The following VIPAS39 variants were observed in gnomAD, a reference collection of about 807,000 sequenced individuals.
VIPAS39 encodes the protein VPS33B interacting protein, apical-basolateral polarity regulator, spe-39 homolog.
In VIPAS39, 63 loss-of-function variants were observed where a neutral mutation model predicts 84.7. The ratio of observed to expected loss-of-function variants is 0.74; its 90% CI spans 0.61 to 0.92. The LOEUF is 0.92. Among genes scored for constraint, VIPAS39 ranks in the 40% least tolerant of loss-of-function variants. The pLI, the probability that VIPAS39 is intolerant of heterozygous loss-of-function variation, is 0.00. For synonymous variants in VIPAS39, 192 were observed against 216.5 expected (o/e 0.89, Z 0.99); for missense variants, 499 against 604.5 (o/e 0.83, Z 1.83).
At chr14:77,428,284 C>A (rs1342697791) in intron 19 of VIPAS39, 86 bp downstream of exon 19, 1 of 1,267,990 alleles carries the variant, frequency 7.9e-7, no homozygotes, top group Non-Finnish European at 1.1e-6. Context: ...TGCAATCCTT[C>A]CAGACCTTGG....
rs35983631 is a variant in VIPAS39 at position 77,444,041 on chromosome 14, C to CAAA, written c.597+205_597+207dup. Reference sequence around the variant, plus strand: ...GGGCAACAGAGCAAGACCCTGTCTCCAAAAAAAAAAAAAAACAGGGTTCCA... The same window carrying CAAA: ...GGGCAACAGAGCAAGACCCTGTCTCCAAAAAAAAAAAAAAAAAACAGGGTTCCA... On this transcript the variant is annotated intron_variant, in intron 8 of 19. Coordinates refer to ENST00000557658, the MANE Select transcript of VIPAS39 (RefSeq NM_001193315.2). Among the ~76,000 whole-genome samples the CAAA allele has an allele frequency of 0.26, 33,097 of 127,344 alleles. 4,191 individuals are homozygous for CAAA. Among genetic ancestry groups the CAAA allele is most frequent in the African/African-American group, 0.32 (11,081 of 34,996 alleles). The allele number at this position is 127,344 out of a possible 152,430, so 83.5% of individuals were successfully genotyped here.
chr14:77,453,504 C>T, intron 2 of VIPAS39, 103 bp from the exon 3 acceptor site: 4 of 1,085,628 alleles, frequency 3.7e-6, no homozygotes, highest in Non-Finnish European at 5.7e-6. Context: ...AGGTGGCCAA[C>T]ACTCGCCCTG....
intron 1 of VIPAS39, among the ~76,000 whole-genome samples, chr14:77,455,713 T>A (rs2078950261): frequency 6.6e-6 from 1 of 152,202 alleles, no homozygotes; most frequent in Admixed American, 6.5e-5. Context: ...CTGTTGAGGC[T>A]TTTGATAGCC....
At chr14:77,432,643 T>C (rs1466560433) in intron 16 of VIPAS39, among the ~76,000 whole-genome samples, 1 of 152,154 alleles carries the variant, frequency 6.6e-6, no homozygotes, top group African/African-American at 2.4e-5. Context: ...TGGAGGACAT[T>C]ATGCTAAGTG....
chr14:77,451,349 A>G lies in VIPAS39; in HGVS notation c.197-16T>C. 1 of 1,614,126 alleles carries G rather than the reference A, an allele frequency of 6.2e-7. No individual in the cohort carries two copies. The highest frequency in any genetic ancestry group is 8.5e-7 in the Non-Finnish European group (1 of 1,179,974). On this transcript the variant is annotated splice_polypyrimidine_tract_variant and intron_variant, in intron 3 of 19. Coordinates refer to ENST00000557658, the MANE Select transcript of VIPAS39 (RefSeq NM_001193315.2). ...CATGAGATACCTGTGAGATAGTAAG[A>G]ACTACATCAGCAATTCTCATCCACA...
At chr14:77,431,095 A>G (rs1393374362) in intron 16 of VIPAS39, among the ~76,000 whole-genome samples, 1 of 152,224 alleles carries the variant, frequency 6.6e-6, no homozygotes, top group Admixed American at 6.5e-5. Flanking sequence ...ATAGAAGAAA[A>G]CATGGGAAAA....
rs1182138464 is a variant in VIPAS39, at chr14:77,451,384, T to C, written c.197-51A>G. 6 of 1,613,662 alleles carry C rather than the reference T, an allele frequency of 3.7e-6. No individual in the cohort carries two copies. The South Asian group carries it at 5.5e-5, about 15-fold the overall frequency. On this transcript the variant is annotated intron_variant, in intron 3 of 19. Coordinates refer to ENST00000557658, the MANE Select transcript of VIPAS39 (RefSeq NM_001193315.2). ...GCAATTCTCATCCACAATAAAGCCT[T>C]GACATCCAACATTCAATAAACTCTA...
At chr14:77,443,264 C>A (rs1418635193) in intron 8 of VIPAS39, 112 bp from the exon 9 acceptor site, 3 of 1,290,168 alleles carry the variant, frequency 2.3e-6, no homozygotes, top group Non-Finnish European at 3.3e-6. Flanking sequence ...GTATAGCCAA[C>A]AGCTCTGTAT....
chr14:77,432,442 T>A (rs1021343362), intron 16 of VIPAS39, among the ~76,000 whole-genome samples: 1 of 150,154 alleles, frequency 6.7e-6, no homozygotes, highest in African/African-American at 2.5e-5. Flanking sequence ...GGAAATGCAA[T>A]CAGCATCTCA....
chr14:77,429,839 TACGATCAGACC>T, intron 16 of VIPAS39, 72 bp from the exon 17 acceptor site: 1 of 1,351,096 alleles, frequency 7.4e-7, no homozygotes, highest in Non-Finnish European at 1.1e-6. Flanking sequence ...GTCTATGTTT[TACGATCAGACC>T]AGAATAATGT....
At position 77,434,293 on chromosome 14, in the gene VIPAS39, C is replaced by T; in HGVS notation, c.1058G>A (p.Ser353Asn). ...TGTCTTCTTCAGGTTGACGGGACTGCTGAATGTCCCCTAGGATGAAAGTGA... is the reference window on the plus strand; with the variant it reads ...TGTCTTCTTCAGGTTGACGGGACTGTTGAATGTCCCCTAGGATGAAAGTGA... ...YHYTEAEGTFSSPVNLKKTFK... is the reference protein window; with the variant it reads ...YHYTEAEGTFNSPVNLKKTFK... The change falls in exon 15 of 20, where the codon AGC becomes AAC. Residue 353 changes from serine to asparagine, a missense_variant. Physicochemically the swap from Ser to Asn is conservative, Grantham distance 46 (BLOSUM62 1). Coordinates refer to ENST00000557658, the MANE Select transcript of VIPAS39 (RefSeq NM_001193315.2). 6.2e-7 allele frequency: 1 copy of T among 1,613,980 alleles called. No individual in the cohort carries two copies. The highest frequency in any genetic ancestry group is 1.7e-5 in the Admixed American group (1 of 59,992).
intron 12 of VIPAS39, among the ~76,000 whole-genome samples, chr14:77,437,598 CT>C (rs772772651): frequency 1.3e-5 from 2 of 151,536 alleles, no homozygotes; most frequent in African/African-American, 4.8e-5. Flanking sequence ...CTACATTTGT[CT>C]TTTTTTTTCC....
In VIPAS39 at chr14:77,449,767, C is replaced by G. The variant is rs756703438; in HGVS notation, c.344-15G>C. 4 of 1,614,028 alleles carry G rather than the reference C, an allele frequency of 2.5e-6. No individual in the cohort carries two copies. The highest frequency in any genetic ancestry group is 3.4e-6 in the Non-Finnish European group (4 of 1,179,994). On this transcript the variant is annotated splice_polypyrimidine_tract_variant and intron_variant, in intron 4 of 19. Transcript: ENST00000557658. ...TCTAGTTCTACCTAAAGGTAAAGAA[C>G]ACAAGAGGGAAAAGGTCAACAGTTT...
At position 77,437,822 on chromosome 14, in the gene VIPAS39, A is replaced by C. The variant is rs1438392045; in HGVS notation, c.822T>G (p.Leu274=). 1 of 1,614,146 alleles carries C rather than the reference A, an allele frequency of 6.2e-7. No individual in the cohort carries two copies. The highest frequency in any genetic ancestry group is 1.1e-5 in the South Asian group (1 of 91,076). The change falls in exon 12 of 20, where the codon CTT becomes CTG. Residue 274 remains leucine (L), a synonymous_variant. Coordinates refer to ENST00000557658, the MANE Select transcript of VIPAS39 (RefSeq NM_001193315.2). ...CCCATACTTACCCAACACAGGTTTT[A>C]AGAAATTCTTTTCGTTTGTCAGGGT... ...IQDPDKRKEF[L]KTCVGLPFSA...
chr14:77,442,965 A>G (rs1218680299), intron 9 of VIPAS39, among the ~76,000 whole-genome samples, 154 bp downstream of exon 9: 1 of 152,130 alleles, frequency 6.6e-6, no homozygotes, highest in Non-Finnish European at 1.5e-5. Flanking sequence ...GGACGCCCTC[A>G]GAGATGTGAT....
At position 77,435,861 on chromosome 14, in the gene VIPAS39, G is replaced by A. The variant is rs751039350; in HGVS notation, c.895C>T (p.Arg299Cys). 60 of 1,614,034 alleles carry A rather than the reference G, an allele frequency of 3.7e-5. No individual in the cohort carries two copies. Among genetic ancestry groups the A allele is most frequent in the Non-Finnish European group, 4.3e-5 (51 of 1,180,016 alleles). ...HIQDHYTLLE[R>C]QIIIEANDRH... ...AGTCTAACCTCAATAATGATCTGACGTTCCAGGAGCGTGTAATGGTCCTGT... is the reference window on the plus strand; with the variant it reads ...AGTCTAACCTCAATAATGATCTGACATTCCAGGAGCGTGTAATGGTCCTGT... Residue 299 changes from arginine (R) to cysteine (C), a missense_variant, in exon 13 of 20, where the codon CGT becomes TGT. Arg to Cys is a radical substitution (Grantham distance 180). Transcript: ENST00000557658.
Position 77,433,880 on chromosome 14 carries a change from G to C in VIPAS39, c.1141C>G (p.Arg381Gly). 10 of 1,614,010 alleles carry C rather than the reference G, an allele frequency of 6.2e-6. No individual in the cohort carries two copies. Among genetic ancestry groups the C allele is most frequent in the Non-Finnish European group, 7.6e-6 (9 of 1,179,966 alleles). The change falls in exon 16 of 20, where the codon CGA becomes GGA. Residue 381 changes from arginine (R) to glycine (G), a missense_variant. Arg to Gly is a moderately radical substitution (Grantham distance 125). Coordinates refer to ENST00000557658, the MANE Select transcript of VIPAS39 (RefSeq NM_001193315.2). Reference sequence around the variant, plus strand: ...AGGGCATCTACATCATTCCAGGCTCGAAGCTTGGCACGAGCAGCCAGGGCT... The same window carrying C: ...AGGGCATCTACATCATTCCAGGCTCCAAGCTTGGCACGAGCAGCCAGGGCT... ...LTALAARAKL[R>G]AWNDVDALFT...
At chr14:77,451,480 C>T in intron 3 of VIPAS39, 147 bp from the exon 4 acceptor site, 1 of 1,175,416 alleles carries the variant, frequency 8.5e-7, no homozygotes, top group South Asian at 1.3e-5. Flanking sequence ...ATCAAATAGA[C>T]TAATCAGCAG....
chr14:77,439,425 T>C (rs998647888), intron 11 of VIPAS39, among the ~76,000 whole-genome samples: 3 of 152,160 alleles, frequency 2.0e-5, no homozygotes, highest in African/African-American at 4.8e-5. Flanking sequence ...TCATTTTTAG[T>C]TGATTAAGAA....
Sources: gnomAD v4.1 joint callset for allele counts (sites outside exome capture counted in the v4.1 genomes callset) on GRCh38, gnomAD v4.1.1 for gene constraint, MANE v1.5 for transcripts, NCBI Gene and HGNC (gene_info 2026-07-23, HGNC 2026-07-21) for gene names.